The following CIZ1 variants were observed in gnomAD, a reference collection of about 807,000 sequenced individuals.
The protein encoded by CIZ1 is cip1-interacting zinc finger protein.
CIZ1 carries 58 observed loss-of-function variants against 118.6 expected under a neutral mutation model. That is an observed-to-expected ratio of 0.49 (90% CI 0.40 to 0.61). CIZ1 has a LOEUF of 0.61. Ranked by LOEUF, CIZ1 falls within the 20% of genes least tolerant of loss-of-function variation. The pLI, the probability that CIZ1 is intolerant of heterozygous loss-of-function variation, is 0.00. For synonymous variants in CIZ1, 448 were observed against 443.4 expected (o/e 1.01, Z -0.13); for missense variants, 921 against 1,115.9 (o/e 0.83, Z 2.49).
intron 1 of CIZ1, chr9:128,202,896 T>C (rs45496394): frequency 0.067 from 10,215 of 152,184 alleles, 642 homozygotes; most frequent in East Asian, 0.36. Context: ...AAATATTTGT[T>C]GAATTCATGT....
At chr9:128,181,556 G>T (rs1831615716) in intron 5 of CIZ1, among the ~76,000 whole-genome samples, 1 of 152,216 alleles carries the variant, frequency 6.6e-6, no homozygotes, top group Non-Finnish European at 1.5e-5. Context: ...AGGCCATACA[G>T]AGATAGGAGC....
chr9:128,170,219 A>AG (rs1829967245), intron 11 of CIZ1, 112 bp from the exon 12 acceptor site: 1 of 899,478 alleles, frequency 1.1e-6, no homozygotes. Context: ...AGGATCTCTT[A>AG]GGGAAGCTTA....
chr9:128,173,887 T>G (rs888347107), intron 11 of CIZ1, among the ~76,000 whole-genome samples: 1 of 151,932 alleles, frequency 6.6e-6, no homozygotes, highest in Non-Finnish European at 1.5e-5. Context: ...GCGCCTGTAG[T>G]CCCAGCTACT....
chr9:128,186,180 A>G (rs1315611502), intron 4 of CIZ1, among the ~76,000 whole-genome samples: 1 of 152,050 alleles, frequency 6.6e-6, no homozygotes, highest in Non-Finnish European at 1.5e-5. Flanking sequence ...TATCAGCAGC[A>G]ACTATGAGTC....
At chr9:128,193,749 G>A (rs1375543727), upstream of CIZ1, among the ~76,000 whole-genome samples, 1 of 152,254 alleles carries the variant, frequency 6.6e-6, no homozygotes, top group East Asian at 1.9e-4. Flanking sequence ...TGCCAAGCAA[G>A]CATGTTAACA....
chr9:128,180,579 C>T, intron 6 of CIZ1, 56 bp from the exon 7 acceptor site: 1 of 1,490,312 alleles, frequency 6.7e-7, no homozygotes, highest in Admixed American at 1.7e-5. Context: ...GCATCTCTGA[C>T]CTCCAAGAGA....
chr9:128,186,154 C>CG (rs1564290588), intron 4 of CIZ1, among the ~76,000 whole-genome samples: 1 of 152,064 alleles, frequency 6.6e-6, no homozygotes, highest in African/African-American at 2.4e-5. Flanking sequence ...CACCCCCACC[C>CG]CTACCAGCTA....
chr9:128,183,510 C>T (rs1469514032), intron 5 of CIZ1, among the ~76,000 whole-genome samples: 1 of 152,194 alleles, frequency 6.6e-6, no homozygotes, highest in African/African-American at 2.4e-5. Flanking sequence ...GGGCATTGCC[C>T]CTGCGCTGGA....
chr9:128,189,885 A>C (rs1832917258), intron 3 of CIZ1, among the ~76,000 whole-genome samples: 2 of 146,288 alleles, frequency 1.4e-5, no homozygotes, highest in Admixed American at 6.8e-5. Flanking sequence ...GGAAGAGCTG[A>C]GACTGCTCTC....
intron 3 of CIZ1, 48 bp downstream of exon 3, chr9:128,190,281 G>C (rs1249335788): frequency 7.5e-7 from 1 of 1,324,852 alleles, no homozygotes; most frequent in Non-Finnish European, 1.1e-6. Context: ...GCGCTGCTAG[G>C]GAGCTACCAC....
chr9:128,190,433 G>A lies in CIZ1; in HGVS notation c.182C>T (p.Pro61Leu), dbSNP rs541832126. Residue 61 changes from proline (P) to leucine (L), a missense_variant, in exon 3 of 17, where the codon CCG (proline) becomes CTG (leucine). Physicochemically the swap from Pro to Leu is moderately conservative, Grantham distance 98. Coordinates refer to ENST00000372938, the MANE Select transcript of CIZ1 (RefSeq NM_001131016.2). ...LPMAVSRGLP[P>L]QQPQQPLLNL... Reference sequence around the variant, plus strand: ...CAGAAGCGGCTGCTGTGGCTGCTGCGGGGGGAGCCCCCTGTGTGTTGGGAG... The same window carrying A: ...CAGAAGCGGCTGCTGTGGCTGCTGCAGGGGGAGCCCCCTGTGTGTTGGGAG... The A allele has an allele frequency of 4.6e-5, 74 of 1,611,218 alleles. 2 individuals are homozygous for A. The South Asian group carries it at 5.6e-4, about 12-fold the overall frequency.
chr9:128,203,392 G>T lies in CIZ1; in HGVS notation c.-6+794C>A, dbSNP rs939072110. On this transcript the variant is annotated intron_variant, in intron 1 of 17. Coordinates refer to the CIZ1 transcript ENST00000372948. This position sits in a 1 kb window ranked among gnomAD's most constrained non-coding sequence, Gnocchi z 5.3. ...CGCGGCGCAGGCAGTCTGGGCGCGC[G>T]GCTGCAGCGGCGGAGCCGGAGTCGG... 6 of 1,299,188 alleles carry T rather than the reference G, an allele frequency of 4.6e-6. No homozygotes were observed. In the African/African-American group the frequency reaches 6.3e-5, roughly 14 times the overall value. The allele number at this position is 1,299,188 out of a possible 1,614,324, so 80.5% of individuals were successfully genotyped here.
chr9:128,179,776 G>A (rs1205951006), intron 7 of CIZ1, among the ~76,000 whole-genome samples: 3 of 152,118 alleles, frequency 2.0e-5, no homozygotes, highest in Admixed American at 1.3e-4. Context: ...AGGTCCAAGC[G>A]ATTCTCCTGC....
rs540709076 is a variant in CIZ1 at position 128,181,305 on chromosome 9, G to A, written c.589-491C>T. 4.6e-5 allele frequency among the ~76,000 whole-genome samples: 7 copies of A among 152,264 alleles called. No homozygotes were observed. The South Asian group carries it at 1.2e-3, about 27-fold the overall frequency. On this transcript the variant is annotated intron_variant, in intron 5 of 16. Transcript: ENST00000372938. ...TAATTTTTGTATTTTTAGTAGAGTT[G>A]GGGTTTCACTATGTTGGCCACGCTG...
intron 3 of CIZ1, among the ~76,000 whole-genome samples, chr9:128,188,898 A>G (rs751310349): frequency 3.0e-4 from 45 of 151,866 alleles, no homozygotes; most frequent in Middle Eastern, 3.4e-3. Context: ...TCCCAGGTTC[A>G]AGTGATTCTC....
chr9:128,189,692 C>T (rs1260547914), intron 3 of CIZ1, among the ~76,000 whole-genome samples: 4 of 151,990 alleles, frequency 2.6e-5, no homozygotes, highest in African/African-American at 9.7e-5. Flanking sequence ...TGGTGGCGGG[C>T]ACCTGTAATC....
At chr9:128,179,667 T>C (rs1831322283) in intron 7 of CIZ1, among the ~76,000 whole-genome samples, 1 of 151,082 alleles carries the variant, frequency 6.6e-6, no homozygotes, top group Non-Finnish European at 1.5e-5. Context: ...TTTGGTTTTT[T>C]GTTGTTGTTT....
rs760402461 is a variant in CIZ1, at chr9:128,170,149, AAGAC to A, written c.1944-46_1944-43del. ...AAAGCAAGTACAATGTGACGCCAGA[AAGAC>A]AGCAGCTGTCTGAGAGCGCTCCATA... On this transcript the variant is annotated intron_variant, in intron 11 of 16. Transcript: ENST00000372938. 4 of 1,554,502 alleles carry A rather than the reference AAGAC, an allele frequency of 2.6e-6. No homozygotes were observed. The South Asian group carries it at 4.5e-5, about 17-fold the overall frequency.
upstream of CIZ1, among the ~76,000 whole-genome samples, chr9:128,192,628 C>T (rs1833242269): frequency 6.6e-6 from 1 of 152,192 alleles, no homozygotes; most frequent in Admixed American, 6.5e-5. Context: ...CCGCAACCTC[C>T]GCCTCCTGGG....
Sources: gnomAD v4.1 joint callset for allele counts (sites outside exome capture counted in the v4.1 genomes callset) on GRCh38, gnomAD v4.1.1 for gene constraint, Gnocchi (gnomAD v3.1) non-coding constraint, MANE v1.5 for transcripts, NCBI Gene and HGNC (gene_info 2026-07-23, HGNC 2026-07-21) for gene names.